Variants in IL31RA observed in about 807,000 individuals in gnomAD.
IL31RA encodes the protein interleukin-31 receptor subunit alpha.
IL31RA carries 66 observed loss-of-function variants against 83.7 expected under a neutral mutation model. The ratio of observed to expected loss-of-function variants is 0.79; its 90% confidence interval spans 0.65 to 0.97. IL31RA has a LOEUF of 0.97. IL31RA is among the 50% of genes least tolerant of loss of function. The pLI, the probability that IL31RA is intolerant of heterozygous loss-of-function variation, is 0.00. For synonymous variants in IL31RA, 325 were observed against 329.0 expected (o/e 0.99, Z 0.13); for missense variants, 798 against 919.4 (o/e 0.87, Z 1.71).
chr5:55,856,476 A>G (rs1056085307), intron 1 of IL31RA, among the ~76,000 whole-genome samples: 1 of 152,206 alleles, frequency 6.6e-6, no homozygotes, highest in Non-Finnish European at 1.5e-5. Flanking sequence ...AGCACAGCAG[A>G]ATCTTTGGGA....
At position 55,883,063 on chromosome 5, in the gene IL31RA, G is replaced by T; in HGVS notation, c.474G>T (p.Lys158Asn). Residue 158 changes from lysine (K) to asparagine (N), a missense_variant, in exon 5 of 15, where the codon AAG becomes AAT. Lys to Asn is a moderately conservative substitution (Grantham distance 94). Transcript: ENST00000652347. ...TTTCAGCGAAAACTGAACCACCTAAGATTTTCCGTGTGAAACCAGTTTTGG... is the reference window on the plus strand; with the variant it reads ...TTTCAGCGAAAACTGAACCACCTAATATTTTCCGTGTGAAACCAGTTTTGG... ...LENIAKTEPP[K>N]IFRVKPVLGI... 1.2e-6 allele frequency: 2 copies of T among 1,614,016 alleles called. No individual in the cohort carries two copies. The highest frequency in any genetic ancestry group is 2.2e-5 in the East Asian group (1 of 44,870).
At chr5:55,846,613 A>G (rs1004489084), upstream of IL31RA, among the ~76,000 whole-genome samples, 3 of 152,118 alleles carry the variant, frequency 2.0e-5, no homozygotes, top group African/African-American at 7.2e-5. Flanking sequence ...CCTGGCCAAC[A>G]TGGTGAAACT....
intron 5 of IL31RA, among the ~76,000 whole-genome samples, chr5:55,889,190 T>A (rs67957270): frequency 0.083 from 12,684 of 152,138 alleles, 956 homozygotes; most frequent in African/African-American, 0.2. Context: ...GCAGCAACAA[T>A]GACTGTGCTC....
At position 55,908,396 on chromosome 5, in the gene IL31RA, G is replaced by A. The variant is rs1322339335; in HGVS notation, c.1486G>A (p.Gly496Ser). The change falls in exon 11 of 15, where the codon GGT becomes AGT. Residue 496 changes from glycine (G) to serine (S), a missense_variant. Transcript: ENST00000652347. ...CTACACCATCTTTTACCAAGCTGAAGGTGGAAAAGGATTCTGTAAGCACGC... is the reference window on the plus strand; with the variant it reads ...CTACACCATCTTTTACCAAGCTGAAAGTGGAAAAGGATTCTGTAAGCACGC... ...CNYTIFYQAEGGKGFSKTVNS... is the reference protein window; with the variant it reads ...CNYTIFYQAESGKGFSKTVNS... The A allele has an allele frequency of 5.0e-6, 8 of 1,614,034 alleles. No homozygotes were observed. Among genetic ancestry groups the A allele is most frequent in the African/African-American group, 1.3e-5 (1 of 74,910 alleles).
intron 12 of IL31RA, 34 bp from the exon 13 acceptor site, chr5:55,913,443 C>A (rs747479503): frequency 7.4e-7 from 1 of 1,355,744 alleles, no homozygotes; most frequent in Non-Finnish European, 1.1e-6. Flanking sequence ...AGGTGAGGAA[C>A]TCACTACTGA....
chr5:55,849,543 T>C (rs1745005056), upstream of IL31RA, among the ~76,000 whole-genome samples: 1 of 152,242 alleles, frequency 6.6e-6, no homozygotes, highest in African/African-American at 2.4e-5. Flanking sequence ...TTAATAATTA[T>C]GCCATTTTTT....
In IL31RA at chr5:55,899,995, C is replaced by T; in HGVS notation, c.932C>T (p.Thr311Ile). Residue 311 changes from threonine to isoleucine, a missense_variant, in exon 8 of 15, where the codon ACA becomes ATA. Coordinates refer to ENST00000652347, the MANE Select transcript of IL31RA (RefSeq NM_139017.7). ...WYYPESNTNL[T>I]ETMNTTNQQL... Reference sequence around the variant, plus strand: ...TATCCAGAAAGCAACACTAACCTCACAGAAACAATGAACACTACTAACCAG... The same window carrying T: ...TATCCAGAAAGCAACACTAACCTCATAGAAACAATGAACACTACTAACCAG... 6.2e-7 allele frequency: 1 copy of T among 1,614,128 alleles called. No homozygotes were observed. The highest frequency in any genetic ancestry group is 8.5e-7 in the Non-Finnish European group (1 of 1,179,940).
At chr5:55,902,759 G>A (rs1748907571) in intron 8 of IL31RA, among the ~76,000 whole-genome samples, 1 of 152,200 alleles carries the variant, frequency 6.6e-6, no homozygotes, top group Admixed American at 6.5e-5. Context: ...CTATCATTAA[G>A]TAATAGTTAT....
rs964778979 is a variant in IL31RA, at chr5:55,918,444, A to T, written c.*1324A>T. Among the ~76,000 whole-genome samples, 1 of 152,184 alleles carries T rather than the reference A, an allele frequency of 6.6e-6. No individual in the cohort carries two copies. The highest frequency in any genetic ancestry group is 1.5e-5 in the Non-Finnish European group (1 of 68,028). On this transcript the variant is annotated 3_prime_UTR_variant, in exon 15 of 15. Transcript: ENST00000652347. ...TGCCAGCCTGAGACCTGACACTTCA[A>T]AGTAACCTCAGCCCAGTATGATGAT... is the stretch of plus-strand genomic sequence containing the variant.
intron 2 of IL31RA, among the ~76,000 whole-genome samples, chr5:55,867,256 TGTGTTTGTGTGC>T (rs1246417564): frequency 0.046 from 1,218 of 26,354 alleles, 29 homozygotes; most frequent in African/African-American, 0.12. Context: ...TGTGTGTGCG[TGTGTTTGTGTGC>T]GTGTGTGTGC....
chr5:55,907,756 C>G (rs1283057787), intron 10 of IL31RA, among the ~76,000 whole-genome samples: 4 of 152,226 alleles, frequency 2.6e-5, no homozygotes, highest in African/African-American at 9.6e-5. Flanking sequence ...CCAGCAATAA[C>G]ACTGAATTAA....
chr5:55,851,527 G>A lies in IL31RA; in HGVS notation c.-44G>A. The A allele has an allele frequency of 1.2e-6, 2 of 1,613,928 alleles. No individual in the cohort carries two copies. The highest frequency in any genetic ancestry group is 1.7e-4 in the Middle Eastern group (1 of 6,056). On this transcript the variant is annotated 5_prime_UTR_variant, in exon 1 of 15. The change abolishes the stop of an existing upstream ORF in the 5' untranslated region. Transcript: ENST00000652347. ...GACATGTGTGTGCAGTATGAAAATT[G>A]AGACAGGAAGGCAGAGTGTCAGCTT...
chr5:55,867,245 T>TTGTGTGCGTG (rs1746200200), intron 2 of IL31RA, among the ~76,000 whole-genome samples: 1 of 40,076 alleles, frequency 2.5e-5, no homozygotes. Context: ...GTGTGTGTGT[T>TTGTGTGCGTG]TGTGTGTGCG....
At chr5:55,862,918 T>G (rs1470259646) in intron 2 of IL31RA, among the ~76,000 whole-genome samples, 1 of 152,122 alleles carries the variant, frequency 6.6e-6, no homozygotes, top group Non-Finnish European at 1.5e-5. Context: ...GCATCACAAT[T>G]TTACCCATGT....
chr5:55,916,819 G>T lies in IL31RA; in HGVS notation c.1994G>T (p.Gly665Val). 1 of 1,614,220 alleles carries T rather than the reference G, an allele frequency of 6.2e-7. No individual in the cohort carries two copies. Among genetic ancestry groups the T allele is most frequent in the Non-Finnish European group, 8.5e-7 (1 of 1,180,042 alleles). Residue 665 changes from glycine to valine, a missense_variant, in exon 15 of 15, where the codon GGA becomes GTA. Gly to Val is a moderately radical substitution (Grantham distance 109, BLOSUM62 -3). Coordinates refer to ENST00000652347, the MANE Select transcript of IL31RA (RefSeq NM_139017.7). ...EARTGQENNLGGEKNGYVTCP... is the reference protein window; with the variant it reads ...EARTGQENNLVGEKNGYVTCP... ...AGAACGGGTCAGGAAAACAATTTAGGAGGGGAAAAGAATGGGTATGTGACC... is the reference window on the plus strand; with the variant it reads ...AGAACGGGTCAGGAAAACAATTTAGTAGGGGAAAAGAATGGGTATGTGACC...
intron 5 of IL31RA, among the ~76,000 whole-genome samples, chr5:55,884,383 C>T (rs1396080118): frequency 2.6e-5 from 4 of 152,148 alleles, no homozygotes; most frequent in African/African-American, 4.8e-5. Flanking sequence ...TCTGCAGTTT[C>T]CATCAATGCA....
At chr5:55,914,965 G>A (rs369162030) in intron 14 of IL31RA, 37 bp downstream of exon 14, 38 of 1,467,342 alleles carry the variant, frequency 2.6e-5, no homozygotes, top group African/African-American at 2.1e-4. Flanking sequence ...AATCATTGCC[G>A]TGGGAGGTAG....
chr5:55,872,472 T>C, intron 4 of IL31RA, 21 bp downstream of exon 4: 1 of 1,468,694 alleles, frequency 6.8e-7, no homozygotes, highest in Non-Finnish European at 9.5e-7. Context: ...TTTGATACTC[T>C]TATATACTCT....
At position 55,851,451 on chromosome 5, in the gene IL31RA, T is replaced by C; in HGVS notation, c.-120T>C. 6.3e-7 allele frequency: 1 copy of C among 1,595,728 alleles called. No homozygotes were observed. The highest frequency in any genetic ancestry group is 8.5e-7 in the Non-Finnish European group (1 of 1,169,780). On this transcript the variant is annotated 5_prime_UTR_variant, in exon 1 of 15. Coordinates refer to ENST00000652347, the MANE Select transcript of IL31RA (RefSeq NM_139017.7). ...AAAATCACTCATAAAAGGCAAAAAA[T>C]TGCAAAAAAAAATAGTAATAACCAG... is the stretch of plus-strand genomic sequence containing the variant.
Sources: gnomAD v4.1 joint callset for allele counts (sites outside exome capture counted in the v4.1 genomes callset) on GRCh38, gnomAD v4.1.1 for gene constraint, MANE v1.5 for transcripts, NCBI Gene and HGNC (gene_info 2026-07-23, HGNC 2026-07-21) for gene names.